FAF1: variants seen among roughly 807,000 people sequenced by gnomAD.
FAF1 encodes Fas associated factor 1, also known as FAS-associated factor 1.
A neutral mutation model predicts 92.5 loss-of-function variants in FAF1; 25 were observed. That is an observed-to-expected ratio of 0.27 (90% CI 0.20 to 0.38). The LOEUF (loss-of-function observed/expected upper bound fraction) is 0.38. FAF1 is among the 10% of genes least tolerant of loss of function. The probability of loss-of-function intolerance (pLI) is 1.00; values close to 1 mark genes in which losing one functional copy is unlikely to be tolerated. For missense variants in FAF1, 636 were observed against 793.3 expected (o/e 0.80, Z 2.38); for synonymous variants, 234 against 273.2 (o/e 0.86, Z 1.42).
At chr1:50,956,068 A>G (rs1444295794) in intron 1 of FAF1, among the ~76,000 whole-genome samples, 1 of 152,220 alleles carries the variant, frequency 6.6e-6, no homozygotes, top group Non-Finnish European at 1.5e-5. Flanking sequence ...GATGGATGGC[A>G]GTGATAGTAA....
At chr1:50,750,613 TTTTC>T (rs1243159754) in intron 4 of FAF1, among the ~76,000 whole-genome samples, 1 of 149,502 alleles carries the variant, frequency 6.7e-6, no homozygotes, top group Non-Finnish European at 1.5e-5. Context: ...GATTTATCCT[TTTTC>T]TTTTCTTTTT....
chr1:50,477,284 C>CAT (rs1646650507), intron 17 of FAF1, among the ~76,000 whole-genome samples: 1 of 151,842 alleles, frequency 6.6e-6, no homozygotes, highest in Non-Finnish European at 1.5e-5. Context: ...TTATATAGAC[C>CAT]ATATATATAT....
chr1:50,816,774 G>A (rs998185934), intron 2 of FAF1, among the ~76,000 whole-genome samples: 1 of 152,082 alleles, frequency 6.6e-6, no homozygotes, highest in Non-Finnish European at 1.5e-5. Context: ...TGTTTAGAAT[G>A]GCATTTCCTA....
At chr1:50,603,160 T>C (rs1373224496) in intron 8 of FAF1, among the ~76,000 whole-genome samples, 1 of 152,228 alleles carries the variant, frequency 6.6e-6, no homozygotes, top group East Asian at 1.9e-4. Flanking sequence ...TACTATCTGA[T>C]AACCAGTAAT....
At chr1:50,656,344 C>CAAA (rs77836738) in intron 7 of FAF1, among the ~76,000 whole-genome samples, 1 of 77,610 alleles carries the variant, frequency 1.3e-5, no homozygotes, top group African/African-American at 4.7e-5. Flanking sequence ...TACCACCGAC[C>CAAA]AAAAAAAAAA....
At chr1:50,834,907 C>T (rs1644186723) in intron 2 of FAF1, among the ~76,000 whole-genome samples, 1 of 152,104 alleles carries the variant, frequency 6.6e-6, no homozygotes, top group African/African-American at 2.4e-5. Context: ...CTAATACAGC[C>T]AGTGAAGGCA....
intron 7 of FAF1, among the ~76,000 whole-genome samples, chr1:50,694,353 A>G (rs1369735627): frequency 2.6e-5 from 4 of 152,182 alleles, no homozygotes; most frequent in African/African-American, 9.6e-5. Flanking sequence ...AGGACTAGAA[A>G]CAAATGCTAA....
Position 50,667,765 on chromosome 1 carries a change from A to AG in FAF1, c.658-12238dup, listed in dbSNP as rs534655068. Among the ~76,000 whole-genome samples, 193 of 152,350 alleles carry AG rather than the reference A, an allele frequency of 1.3e-3. 1 individual carries two copies. Among genetic ancestry groups the AG allele is most frequent in the African/African-American group, 2.2e-3 (90 of 41,590 alleles). The stretch of plus-strand genomic sequence containing the variant: ...TCTTAATCCATTTTCCTTTTCTTCA[A>AG]GAAAAAAGATTTTTTTTCCTTGAAG... On this transcript the variant is annotated intron_variant, in intron 7 of 18. Coordinates refer to ENST00000396153, the MANE Select transcript of FAF1 (RefSeq NM_007051.3).
intron 2 of FAF1, among the ~76,000 whole-genome samples, chr1:50,818,605 AG>A (rs758823148): frequency 2.6e-5 from 4 of 152,228 alleles, no homozygotes; most frequent in Non-Finnish European, 5.9e-5. Context: ...GAACAATGCC[AG>A]GTATAAGAGT....
chr1:50,795,718 G>C (rs958396294), intron 3 of FAF1, among the ~76,000 whole-genome samples: 1 of 152,148 alleles, frequency 6.6e-6, no homozygotes, highest in East Asian at 1.9e-4. Flanking sequence ...ACAACTTTGG[G>C]TGCTGATGGT....
intron 1 of FAF1, among the ~76,000 whole-genome samples, chr1:50,907,710 G>A (rs951857941): frequency 3.9e-5 from 6 of 151,910 alleles, no homozygotes; most frequent in African/African-American, 1.5e-4. Context: ...GCATTTCTGT[G>A]GGATTGGTGG....
chr1:50,923,908 A>G (rs1644984707), intron 1 of FAF1, among the ~76,000 whole-genome samples: 2 of 152,250 alleles, frequency 1.3e-5, no homozygotes, highest in Non-Finnish European at 2.9e-5. Context: ...AACTGAGTAT[A>G]GAAGAAACAT....
chr1:50,610,261 CAAAG>C (rs916376185), intron 8 of FAF1, among the ~76,000 whole-genome samples: 3 of 152,098 alleles, frequency 2.0e-5, no homozygotes, highest in African/African-American at 7.2e-5. Flanking sequence ...GAATACCTCT[CAAAG>C]AAACTGAAAA....
chr1:50,917,150 T>C (rs1644924325), intron 1 of FAF1, among the ~76,000 whole-genome samples: 1 of 152,216 alleles, frequency 6.6e-6, no homozygotes, highest in African/African-American at 2.4e-5. Flanking sequence ...AGTATTCTCA[T>C]CAATGCATTC....
chr1:50,472,904 A>C (rs1419640376), intron 18 of FAF1, among the ~76,000 whole-genome samples: 12 of 152,188 alleles, frequency 7.9e-5, no homozygotes, highest in Non-Finnish European at 1.5e-5. Context: ...TCAGAGAAGA[A>C]TGAAGGGCCT....
At chr1:50,577,264 C>T (rs921711017) in intron 12 of FAF1, among the ~76,000 whole-genome samples, 58 of 152,242 alleles carry the variant, frequency 3.8e-4, no homozygotes, top group African/African-American at 1.3e-3. Context: ...GTAGCTCATG[C>T]CTGTAATCCC....
Position 50,437,040 on chromosome 1 carries a change from CT to C in FAF1, c.*4399del, listed in dbSNP as rs1325664145. ...ATAGACTGAAGACTGGAGATCATGT[CT>C]CTTTTATTAATATTTTCTTTCAGAC... On this transcript the variant is annotated 3_prime_UTR_variant, in exon 19 of 19. Coordinates refer to ENST00000396153, the MANE Select transcript of FAF1 (RefSeq NM_007051.3). 6.6e-6 allele frequency: 1 copy of C among 152,188 alleles called. No individual in the cohort carries two copies. The highest frequency in any genetic ancestry group is 1.5e-5 in the Non-Finnish European group (1 of 68,026). The allele number at this position is 152,188 out of a possible 1,614,324, so 9.4% of individuals were successfully genotyped here. A position where few individuals can be genotyped will look rare whatever the true frequency, so the allele number is the denominator to read the frequency against.
intron 8 of FAF1, among the ~76,000 whole-genome samples, chr1:50,609,215 A>C (rs910169790): frequency 1.3e-5 from 2 of 152,172 alleles, no homozygotes; most frequent in Non-Finnish European, 2.9e-5. Context: ...AGATCATGCT[A>C]GTTCTATTTT....
chr1:50,777,729 T>C (rs1207066431), intron 4 of FAF1, among the ~76,000 whole-genome samples: 5 of 148,598 alleles, frequency 3.4e-5, no homozygotes, highest in Non-Finnish European at 7.4e-5. Flanking sequence ...CTTTGGAACC[T>C]GAATTCATTT....
Sources: allele counts gnomAD v4.1 joint callset (sites outside exome capture counted in the v4.1 genomes callset), GRCh38; gene constraint gnomAD v4.1.1; transcripts MANE v1.5; gene names NCBI Gene and HGNC (gene_info 2026-07-23, HGNC 2026-07-21).